JAML: variants seen among roughly 807,000 people sequenced by gnomAD.
The protein encoded by JAML is junction adhesion molecule like, also known as junctional adhesion molecule-like.
Under a neutral mutation model 39.3 loss-of-function variants are expected in JAML, and 25 were observed. That is an observed-to-expected ratio of 0.64 (90% confidence interval 0.46 to 0.89). The LOEUF (loss-of-function observed/expected upper bound fraction) is 0.89. JAML is among the 40% of genes least tolerant of loss of function. The probability of loss-of-function intolerance (pLI) is 0.00; values close to 1 mark genes in which losing one functional copy is unlikely to be tolerated. For synonymous variants in JAML, 162 were observed against 179.2 expected (o/e 0.90, Z 0.77); for missense variants, 440 against 486.9 (o/e 0.90, Z 0.91).
At chr11:118,203,903 A>G (rs1948866140) in intron 5 of JAML, 1 of 486,658 alleles carries the variant, frequency 2.1e-6, no homozygotes, top group Admixed American at 3.3e-5. Context: ...GAGGGATAAG[A>G]AAAGGAGGAC....
intron 4 of JAML, among the ~76,000 whole-genome samples, chr11:118,207,469 A>C (rs947237747): frequency 6.6e-6 from 1 of 152,244 alleles, no homozygotes; most frequent in African/African-American, 2.4e-5. Flanking sequence ...ACCCCACATA[A>C]GTAGAAGGAT....
chr11:118,218,175 C>T (rs947375711), intron 1 of JAML, among the ~76,000 whole-genome samples: 1 of 152,174 alleles, frequency 6.6e-6, no homozygotes, highest in African/African-American at 2.4e-5. Flanking sequence ...CTCACCGCAA[C>T]CTCCGCCTCT....
rs943606644 is a variant in JAML, at chr11:118,222,773, G to C, written c.-21+2168C>G. 3.9e-5 allele frequency among the ~76,000 whole-genome samples: 6 copies of C among 152,130 alleles called. No homozygotes were observed. The highest frequency in any genetic ancestry group is 1.4e-4 in the African/African-American group (6 of 41,436). ...AGAACGTAATTTTGTCTAGCTCAGA[G>C]GGTTTTAACTATTGGCCTCACCTAA... is the stretch of plus-strand genomic sequence containing the variant. On this transcript the variant is annotated intron_variant, in intron 1 of 9. Coordinates refer to ENST00000356289, the MANE Select transcript of JAML (RefSeq NM_001098526.2). This position sits in a 1 kb window ranked among gnomAD's most constrained non-coding sequence, Gnocchi z 4.2.
At chr11:118,198,216 C>T in intron 7 of JAML, 125 bp from the exon 8 acceptor site, 1 of 770,138 alleles carries the variant, frequency 1.3e-6, no homozygotes, top group Non-Finnish European at 2.2e-6. Flanking sequence ...TCTCTCTGGA[C>T]TCCTACAGCC....
intron 7 of JAML, among the ~76,000 whole-genome samples, chr11:118,199,690 ATTATTTTTTTTT>A (rs1948734696): frequency 1.2e-5 from 1 of 80,672 alleles, no homozygotes; most frequent in African/African-American, 4.0e-5. Context: ...TATTATTATT[ATTATTTTTTTTT>A]TTTTTTTTTT....
At chr11:118,203,347 A>G in intron 6 of JAML, 81 bp downstream of exon 6, 1 of 1,304,424 alleles carries the variant, frequency 7.7e-7, no homozygotes, top group Admixed American at 1.7e-5. Context: ...CATCCTAGGA[A>G]CCTCTCCGGC....
chr11:118,203,340 C>T (rs1314852237), intron 6 of JAML, 88 bp downstream of exon 6: 1 of 1,244,302 alleles, frequency 8.0e-7, no homozygotes, highest in Admixed American at 1.7e-5. Context: ...AATTTTGCAT[C>T]CTAGGAACCT....
At position 118,203,854 on chromosome 11, in the gene JAML, G is replaced by T; in HGVS notation, c.535-189C>A. The T allele has an allele frequency of 1.0e-5, 6 of 576,466 alleles. 1 individual carries two copies. Among genetic ancestry groups the T allele is most frequent in the South Asian group, 6.3e-5 (3 of 47,292 alleles). 35.7% of individuals were successfully genotyped at this position (576,466 alleles called of 1,614,324 possible). On this transcript the variant is annotated intron_variant, in intron 5 of 9. Coordinates refer to ENST00000356289, the MANE Select transcript of JAML (RefSeq NM_001098526.2). ...ATGTGCATGCGTGTGTACTTGTGAA[G>T]GACATCACAAAACCATGAACAGTTT...
rs1224348317 is a variant in JAML, at chr11:118,205,952, C to A, written c.464G>T (p.Cys155Phe). Residue 155 changes from cysteine to phenylalanine, a missense_variant, in exon 5 of 10, where the codon TGT (cysteine) becomes TTT (phenylalanine). Cys to Phe is a radical substitution (Grantham distance 205). Transcript: ENST00000356289. Reference sequence around the variant, plus strand: ...TTTCACTTCTGTGCTCTGGAAAACACATCCCATCTGAATCAATCCACCCAC... The same window carrying A: ...TTTCACTTCTGTGCTCTGGAAAACAAATCCCATCTGAATCAATCCACCCAC... The part of the protein sequence containing the change: ...VHVGGLIQMG[C>F]VFQSTEVKHV... 6.2e-7 allele frequency: 1 copy of A among 1,614,170 alleles called. No individual in the cohort carries two copies. The highest frequency in any genetic ancestry group is 1.1e-5 in the South Asian group (1 of 91,080).
At chr11:118,218,053 C>G (rs907480079) in intron 1 of JAML, among the ~76,000 whole-genome samples, 1 of 152,220 alleles carries the variant, frequency 6.6e-6, no homozygotes, top group African/African-American at 2.4e-5. Context: ...CGGGAAACCT[C>G]TCTTCAACCA....
intron 1 of JAML, 136 bp downstream of exon 1, chr11:118,224,805 T>C (rs906874203): frequency 2.0e-5 from 3 of 152,226 alleles, no homozygotes; most frequent in African/African-American, 7.2e-5. Context: ...GACATCCCCC[T>C]GCAGAGATCA....
At chr11:118,216,111 C>T (rs1329795131) in intron 1 of JAML, among the ~76,000 whole-genome samples, 6 of 152,198 alleles carry the variant, frequency 3.9e-5, no homozygotes, top group Non-Finnish European at 8.8e-5. Context: ...GTGGCTCACA[C>T]CTGTAATCCC....
At chr11:118,195,390 C>T (rs1460598723) in intron 9 of JAML, among the ~76,000 whole-genome samples, 2 of 151,994 alleles carry the variant, frequency 1.3e-5, no homozygotes, top group Non-Finnish European at 1.5e-5. Flanking sequence ...AGGGCTGGTA[C>T]GATAGGAACA....
Position 118,203,424 on chromosome 11 carries a change from A to T in JAML, c.772+4T>A. The stretch of plus-strand genomic sequence containing the variant: ...TCAATGCTCCCCAGCCAAATGTTAG[A>T]TACTTCGAGGCTCTTCCGGGCTGAC... On this transcript the variant is annotated splice_donor_region_variant and intron_variant, in intron 6 of 9. Transcript: ENST00000356289. 4 of 1,613,184 alleles carry T rather than the reference A, an allele frequency of 2.5e-6. No individual in the cohort carries two copies. Among genetic ancestry groups the T allele is most frequent in the Non-Finnish European group, 3.4e-6 (4 of 1,179,254 alleles).
At chr11:118,212,911 T>C in intron 2 of JAML, 1 of 1,614,260 alleles carries the variant, frequency 6.2e-7, no homozygotes, top group Non-Finnish European at 8.5e-7. Flanking sequence ...TCACCTCCAC[T>C]TACCATAACG....
chr11:118,194,337 CTG>C lies in JAML; in HGVS notation c.1171_1172del (p.Gln391AlafsTer30). 6.2e-7 allele frequency: 1 copy of C among 1,613,972 alleles called. No individual in the cohort carries two copies. Among genetic ancestry groups the C allele is most frequent in the Non-Finnish European group, 8.5e-7 (1 of 1,179,852 alleles). On this transcript the variant is annotated frameshift_variant, in exon 10 of 10. Coordinates refer to ENST00000356289, the MANE Select transcript of JAML (RefSeq NM_001098526.2). LOFTEE classifies it high-confidence loss of function. ...KKSGGGMPKT[Q>X]QAF is the part of the protein sequence containing the mutation. Reference sequence around the variant, plus strand: ...CTCTCCATTCTTCTCAAAAGGCTTGCTGTGTTTTTGGCATTCCCCCACCTGAC... The same window carrying C: ...CTCTCCATTCTTCTCAAAAGGCTTGCTGTTTTTGGCATTCCCCCACCTGAC...
At chr11:118,212,893 T>C in intron 2 of JAML, 1 of 1,614,228 alleles carries the variant, frequency 6.2e-7, no homozygotes, top group Non-Finnish European at 8.5e-7. Flanking sequence ...GATCATCAAT[T>C]TAGAAACTCA....
rs1270056657 is a variant in JAML at position 118,194,356 on chromosome 11, C to T, written c.1154G>A (p.Gly385Glu). ...GGCTTGCTGTGTTTTTGGCATTCCC[C>T]CACCTGACTTTTTTTCAAGTGAGTT... The part of the protein sequence containing the change: ...RNNSLEKKSG[G>E]GMPKTQQAF The change falls in exon 10 of 10, where the codon GGG becomes GAG. Residue 385 changes from glycine to glutamate, a missense_variant. Coordinates refer to ENST00000356289, the MANE Select transcript of JAML (RefSeq NM_001098526.2). 16 of 1,614,000 alleles carry T rather than the reference C, an allele frequency of 9.9e-6. No homozygotes were observed. In the South Asian group the frequency reaches 1.4e-4, roughly 14 times the overall value.
chr11:118,221,764 G>T lies in JAML; in HGVS notation c.-21+3177C>A, dbSNP rs1949212486. On this transcript the variant is annotated intron_variant, in intron 1 of 9. Transcript: ENST00000356289. Reference sequence around the variant, plus strand: ...TGGCTCCAAAAGTGAGTCTTTTGTGGTTTAATCATTTATTGATTCTTTTCC... The same window carrying T: ...TGGCTCCAAAAGTGAGTCTTTTGTGTTTTAATCATTTATTGATTCTTTTCC... Among the ~76,000 whole-genome samples, 3 of 152,148 alleles carry T rather than the reference G, an allele frequency of 2.0e-5. No individual in the cohort carries two copies. The South Asian group carries it at 6.2e-4, about 31-fold the overall frequency.
Sources: allele counts gnomAD v4.1 joint callset (sites outside exome capture counted in the v4.1 genomes callset), GRCh38; gene constraint gnomAD v4.1.1; non-coding constraint Gnocchi (gnomAD v3.1); transcripts MANE v1.5; gene names NCBI Gene and HGNC (gene_info 2026-07-23, HGNC 2026-07-21).